VPS54: variants seen among roughly 807,000 people sequenced by gnomAD.
VPS54 encodes the protein VPS54 subunit of GARP complex, also known as vacuolar protein sorting-associated protein 54.
Under a neutral mutation model 121.5 loss-of-function variants are expected in VPS54, and 45 were observed. The observed-to-expected ratio is 0.37, with a 90% CI of 0.29 to 0.47. The LOEUF (loss-of-function observed/expected upper bound fraction) is 0.47, where lower values mean the gene tolerates loss of function less well. Ranked by LOEUF, VPS54 falls within the 20% of genes least tolerant of loss-of-function variation. VPS54 has a pLI of 0.99. For missense variants in VPS54, 1,090 were observed against 1,131.4 expected (o/e 0.96, Z 0.52); for synonymous variants, 371 against 385.8 (o/e 0.96, Z 0.45).
chr2:63,899,425 G>A (rs373208699), intron 21 of VPS54, 49 bp downstream of exon 21: 1 of 1,520,558 alleles, frequency 6.6e-7, no homozygotes, highest in Non-Finnish European at 9.1e-7. Context: ...ATTCTGTACA[G>A]ATATTGTATG....
chr2:63,894,638 G>A (rs1317216157), intron 22 of VPS54, among the ~76,000 whole-genome samples: 1 of 151,964 alleles, frequency 6.6e-6, no homozygotes, highest in Non-Finnish European at 1.5e-5. Context: ...CGGAGGTTGA[G>A]GCTGCAGTGA....
At chr2:63,923,328 TTA>T (rs542675600) in intron 12 of VPS54, among the ~76,000 whole-genome samples, 137 of 151,528 alleles carry the variant, frequency 9.0e-4, no homozygotes, top group South Asian at 2.5e-3. Context: ...GAAAAAAAAA[TTA>T]TTTTTTAACT....
At position 63,945,811 on chromosome 2, in the gene VPS54, T is replaced by C. The variant is rs555366373; in HGVS notation, c.1246-1156A>G. Among the ~76,000 whole-genome samples the C allele has an allele frequency of 3.3e-5, 5 of 152,302 alleles. No homozygotes were observed. The South Asian group carries it at 1.0e-3, about 32-fold the overall frequency. On this transcript the variant is annotated intron_variant, in intron 9 of 22. Transcript: ENST00000272322. ...AAAGAAATTAGTATTAGAAGTTACA[T>C]TTCCTTGTGATACATGCAACAGTTT...
At chr2:63,913,102 A>G in intron 18 of VPS54, 121 bp downstream of exon 18, 2 of 762,824 alleles carry the variant, frequency 2.6e-6, no homozygotes, top group South Asian at 4.9e-5. Flanking sequence ...AGTAGCATTT[A>G]TTTTTAGAGT....
intron 12 of VPS54, among the ~76,000 whole-genome samples, chr2:63,923,322 A>G (rs1356379163): frequency 6.6e-6 from 1 of 152,148 alleles, no homozygotes; most frequent in Non-Finnish European, 1.5e-5. Flanking sequence ...AAAAAAGAAA[A>G]AAAAATTATT....
chr2:63,947,578 T>C, intron 8 of VPS54, 88 bp from the exon 9 acceptor site: 15 of 1,114,834 alleles, frequency 1.3e-5, no homozygotes, highest in Non-Finnish European at 1.8e-5. Flanking sequence ...AGAGTTCTGT[T>C]TGATCCTCAG....
chr2:63,992,406 C>T (rs1409834571), intron 1 of VPS54, among the ~76,000 whole-genome samples: 5 of 152,194 alleles, frequency 3.3e-5, no homozygotes, highest in Non-Finnish European at 5.9e-5. Context: ...TCCTGGACTC[C>T]GTCTCCGTCC....
chr2:63,989,954 G>A (rs1677235992), intron 1 of VPS54, among the ~76,000 whole-genome samples: 1 of 152,188 alleles, frequency 6.6e-6, no homozygotes, highest in Admixed American at 6.5e-5. Flanking sequence ...TTGGTTTCCT[G>A]AAAAGGGAAC....
chr2:63,999,038 C>G (rs2104668107), intron 1 of VPS54, among the ~76,000 whole-genome samples: 1 of 152,262 alleles, frequency 6.6e-6, no homozygotes, highest in South Asian at 2.1e-4. Flanking sequence ...CCTCCACCTC[C>G]CAGGTTCAAG....
At chr2:64,006,533 A>C (rs923926786) in intron 1 of VPS54, among the ~76,000 whole-genome samples, 2 of 152,272 alleles carry the variant, frequency 1.3e-5, no homozygotes, top group Non-Finnish European at 2.9e-5. Flanking sequence ...TAGGAATGTC[A>C]TAAGATTTAA....
intron 17 of VPS54, chr2:63,913,955 T>C: frequency 1.5e-6 from 2 of 1,311,198 alleles, no homozygotes; most frequent in Non-Finnish European, 2.0e-6. Flanking sequence ...CTGTCTCCAA[T>C]GTCATTAACA....
At chr2:63,990,603 C>T (rs1014825156) in intron 1 of VPS54, among the ~76,000 whole-genome samples, 1 of 152,288 alleles carries the variant, frequency 6.6e-6, no homozygotes, top group South Asian at 2.1e-4. Context: ...CTTTCTCACA[C>T]TCTCATCCTG....
chr2:63,985,245 G>C (rs1404399788), intron 1 of VPS54, among the ~76,000 whole-genome samples: 3 of 152,244 alleles, frequency 2.0e-5, no homozygotes, highest in Middle Eastern at 3.4e-3. Flanking sequence ...CTTGAGCCTA[G>C]GAGGCAGAGG....
In VPS54 at chr2:63,893,378, A is replaced by G. The variant is rs749846914; in HGVS notation, c.*52T>C. On this transcript the variant is annotated 3_prime_UTR_variant, in exon 23 of 23. Coordinates refer to ENST00000272322, the MANE Select transcript of VPS54 (RefSeq NM_016516.3). ...AATCACAGGCATCCAGATTTTCTTC[A>G]TAACAAACACATCCCATGGTCAGAT... 7.4e-6 allele frequency: 11 copies of G among 1,490,980 alleles called. No homozygotes were observed. The highest frequency in any genetic ancestry group is 1.0e-5 in the Non-Finnish European group (11 of 1,068,132). 92.4% of individuals were successfully genotyped at this position (1,490,980 alleles called of 1,614,324 possible). A position where few individuals can be genotyped will look rare whatever the true frequency, so the allele number is the denominator to read the frequency against.
At chr2:63,951,554 A>G (rs1675245372) in intron 7 of VPS54, among the ~76,000 whole-genome samples, 2 of 152,140 alleles carry the variant, frequency 1.3e-5, no homozygotes, top group Non-Finnish European at 2.9e-5. Context: ...CAGTGGTACA[A>G]TATGTACCAC....
intron 1 of VPS54, among the ~76,000 whole-genome samples, chr2:63,994,678 T>G (rs1450537222): frequency 6.6e-6 from 1 of 152,214 alleles, no homozygotes; most frequent in African/African-American, 2.4e-5. Flanking sequence ...AGCCTCTCCC[T>G]TTCTCCTTTA....
intron 1 of VPS54, among the ~76,000 whole-genome samples, chr2:63,986,714 G>T (rs1015069557): frequency 6.6e-6 from 1 of 152,094 alleles, no homozygotes; most frequent in East Asian, 1.9e-4. Flanking sequence ...ACCACTAACC[G>T]TATGAGGGTT....
At chr2:63,980,110 T>G (rs192154291) in intron 3 of VPS54, among the ~76,000 whole-genome samples, 1 of 152,212 alleles carries the variant, frequency 6.6e-6, no homozygotes, top group African/African-American at 2.4e-5. Context: ...TCTCAGCTTC[T>G]GCTTCACATG....
intron 1 of VPS54, among the ~76,000 whole-genome samples, chr2:63,987,005 C>T (rs1677083749): frequency 6.6e-6 from 1 of 152,108 alleles, no homozygotes; most frequent in Non-Finnish European, 1.5e-5. Flanking sequence ...AAATATTTTC[C>T]TCCCATTCTG....
Sources: gnomAD v4.1 joint callset for allele counts (sites outside exome capture counted in the v4.1 genomes callset) on GRCh38, gnomAD v4.1.1 for gene constraint, MANE v1.5 for transcripts, NCBI Gene and HGNC (gene_info 2026-07-23, HGNC 2026-07-21) for gene names.